ARL3: variants seen among roughly 807,000 people sequenced by gnomAD.
The protein encoded by ARL3 is ARF like GTPase 3.
In ARL3, 9 loss-of-function variants were observed where a neutral mutation model predicts 26.0. The ratio of observed to expected loss-of-function variants is 0.35; its 90% CI spans 0.21 to 0.60. The LOEUF (loss-of-function observed/expected upper bound fraction) is 0.60. ARL3 is among the 20% of genes least tolerant of loss of function. ARL3 has a pLI of 0.78. For synonymous variants in ARL3, 71 were observed against 78.4 expected (o/e 0.91, Z 0.50); for missense variants, 158 against 215.7 (o/e 0.73, Z 1.67).
intron 3 of ARL3, among the ~76,000 whole-genome samples, chr10:102,694,995 G>C (rs562259954): frequency 2.6e-5 from 4 of 152,132 alleles, no homozygotes; most frequent in South Asian, 2.1e-4. Flanking sequence ...TTGGGAGTGC[G>C]GGCGTGAGCC....
Position 102,714,263 on chromosome 10 carries a change from C to T in ARL3, c.3+10G>A, listed in dbSNP as rs2064368400. ...GCCGGCTCCAAGGGGGCCCAGGCCC[C>T]CACACTCACCATCCTCCCGCCGAGT... is the stretch of plus-strand genomic sequence containing the variant. On this transcript the variant is annotated intron_variant, in intron 1 of 5. Transcript: ENST00000260746. The T allele has an allele frequency of 2.3e-6, 3 of 1,313,802 alleles. No individual in the cohort carries two copies. The highest frequency in any genetic ancestry group is 2.9e-6 in the Non-Finnish European group (3 of 1,022,754). 81.4% of individuals were successfully genotyped at this position (1,313,802 alleles called of 1,614,324 possible).
intron 2 of ARL3, among the ~76,000 whole-genome samples, 200 bp downstream of exon 2, chr10:102,705,146 T>C (rs1444966203): frequency 6.6e-6 from 1 of 152,214 alleles, no homozygotes; most frequent in Non-Finnish European, 1.5e-5. Flanking sequence ...ATTCTGTCTC[T>C]ATGAATCTGA....
At chr10:102,712,341 A>G (rs2064346951) in intron 1 of ARL3, among the ~76,000 whole-genome samples, 1 of 152,220 alleles carries the variant, frequency 6.6e-6, no homozygotes, top group Admixed American at 6.6e-5. Flanking sequence ...AAGTCACACG[A>G]CTGACTAAAT....
chr10:102,700,214 G>C (rs1352535522), intron 2 of ARL3, among the ~76,000 whole-genome samples: 1 of 152,016 alleles, frequency 6.6e-6, no homozygotes, highest in African/African-American at 2.4e-5. Context: ...TTCGAGATCA[G>C]CCTGGTCAAT....
chr10:102,680,318 C>T (rs557930721), intron 5 of ARL3, among the ~76,000 whole-genome samples: 3 of 152,100 alleles, frequency 2.0e-5, no homozygotes, highest in Admixed American at 6.6e-5. Flanking sequence ...GACGATCTTA[C>T]GGTATGAATA....
At chr10:102,686,848 C>G (rs566190279) in intron 4 of ARL3, among the ~76,000 whole-genome samples, 9 of 145,088 alleles carry the variant, frequency 6.2e-5, no homozygotes, top group Non-Finnish European at 1.0e-4. Flanking sequence ...AAAGTCTGAG[C>G]TAGGGCTCAG....
At chr10:102,708,556 T>G (rs549973067) in intron 1 of ARL3, among the ~76,000 whole-genome samples, 8 of 152,242 alleles carry the variant, frequency 5.3e-5, no homozygotes, top group African/African-American at 1.9e-4. Context: ...TGTTTCCTAT[T>G]TTAAAAAAAA....
chr10:102,705,469 G>C lies in ARL3; in HGVS notation c.24C>G (p.Arg8=), dbSNP rs2064304710. Residue 8 remains arginine, a synonymous_variant, in exon 2 of 6, where the codon CGC becomes CGG. Coordinates refer to ENST00000260746, the MANE Select transcript of ARL3 (RefSeq NM_004311.4). ...CCTGGTCTGGTGCACTTTTCAACTT[G>C]CGCAAAATTGAGAGCAAGCCCTTCA... MGLLSIL[R]KLKSAPDQEV... 1.3e-6 allele frequency: 2 copies of C among 1,598,496 alleles called. No homozygotes were observed. The highest frequency in any genetic ancestry group is 3.4e-5 in the Admixed American group (2 of 59,526).
In ARL3 at chr10:102,685,734, T is replaced by A. The variant is rs980595390; in HGVS notation, c.501+82A>T. The A allele has an allele frequency of 2.1e-6, 3 of 1,424,144 alleles. No individual in the cohort carries two copies. The East Asian group carries it at 7.0e-5, about 33-fold the overall frequency. 88.2% of individuals were successfully genotyped at this position (1,424,144 alleles called of 1,614,324 possible). ...TATCTTGGAATGGCTCATCTGCCCA[T>A]CAAGATCAGCCCAACCAATGAGACA... On this transcript the variant is annotated intron_variant, in intron 5 of 5. Transcript: ENST00000260746.
At chr10:102,690,716 G>A (rs1437359302) in intron 3 of ARL3, among the ~76,000 whole-genome samples, 4 of 151,980 alleles carry the variant, frequency 2.6e-5, no homozygotes, top group East Asian at 1.9e-4. Flanking sequence ...ATTATTTCTC[G>A]GCCTAAAGAG....
At chr10:102,700,820 C>T (rs2064276637) in intron 2 of ARL3, among the ~76,000 whole-genome samples, 1 of 145,396 alleles carries the variant, frequency 6.9e-6, no homozygotes, top group South Asian at 2.2e-4. Context: ...TCACCGCAAC[C>T]TCCACCTCCC....
At chr10:102,709,035 G>A (rs895007895) in intron 1 of ARL3, among the ~76,000 whole-genome samples, 2 of 150,858 alleles carry the variant, frequency 1.3e-5, no homozygotes, top group African/African-American at 4.9e-5. Flanking sequence ...CTCCGGAGTA[G>A]CTGGGACTAT....
chr10:102,689,942 A>G lies in ARL3; in HGVS notation c.266T>C (p.Ile89Thr). ...KNYFENTDIL[I>T]YVIDSADRKR... ...TCTGTCTGCACTGTCGATTACATAT[A>G]TCTATAAAGGAAAAGAAGAAGGTTA... Residue 89 changes from isoleucine to threonine, a missense_variant and splice_region_variant, in exon 4 of 6, where the codon ATA becomes ACA. Physicochemically the swap from Ile to Thr is moderately conservative, Grantham distance 89. Coordinates refer to ENST00000260746, the MANE Select transcript of ARL3 (RefSeq NM_004311.4). The G allele has an allele frequency of 6.3e-7, 1 of 1,588,552 alleles. No homozygotes were observed.
chr10:102,692,397 A>T (rs1328337014), intron 3 of ARL3, among the ~76,000 whole-genome samples: 1 of 152,204 alleles, frequency 6.6e-6, no homozygotes, highest in Non-Finnish European at 1.5e-5. Flanking sequence ...AGGAGTCTAT[A>T]GCTTTTGAAA....
At chr10:102,699,198 A>G (rs2064265201) in intron 3 of ARL3, among the ~76,000 whole-genome samples, 175 bp downstream of exon 3, 1 of 152,220 alleles carries the variant, frequency 6.6e-6, no homozygotes, top group Non-Finnish European at 1.5e-5. Flanking sequence ...ATCTTATACA[A>G]GTTATACAAA....
At chr10:102,699,529 G>C in intron 2 of ARL3, 40 bp from the exon 3 acceptor site, 1 of 1,223,770 alleles carries the variant, frequency 8.2e-7, no homozygotes. Context: ...ATTAAACTTT[G>C]GGATCATAAT....
chr10:102,694,282 C>A (rs2136002684), intron 3 of ARL3, among the ~76,000 whole-genome samples: 1 of 152,352 alleles, frequency 6.6e-6, no homozygotes, highest in South Asian at 2.1e-4. Context: ...AGCCACCGCG[C>A]CCGGCTGCTT....
intron 3 of ARL3, among the ~76,000 whole-genome samples, chr10:102,697,210 C>T (rs1271925016): frequency 2.7e-5 from 4 of 150,112 alleles, no homozygotes; most frequent in South Asian, 2.1e-4. Flanking sequence ...AAGAGAGTCT[C>T]GCTGTGTTGC....
In ARL3 at chr10:102,677,900, C is replaced by T. The variant is rs535301226; in HGVS notation, c.502-959G>A. 1.1e-3 allele frequency among the ~76,000 whole-genome samples: 162 copies of T among 151,948 alleles called. 1 individual carries two copies. Among genetic ancestry groups the T allele is most frequent in the African/African-American group, 3.6e-3 (147 of 41,394 alleles). ...ACATCAGCCATACTGGACATGCCAC[C>T]GAGTCCCACATTTCCTGTGGCCATG... On this transcript the variant is annotated intron_variant, in intron 5 of 5. Transcript: ENST00000260746.
Sources: allele counts gnomAD v4.1 joint callset (sites outside exome capture counted in the v4.1 genomes callset), GRCh38; gene constraint gnomAD v4.1.1; transcripts MANE v1.5; gene names NCBI Gene and HGNC (gene_info 2026-07-23, HGNC 2026-07-21).